PRKG1: variants seen among roughly 807,000 people sequenced by gnomAD.
PRKG1 encodes protein kinase cGMP-dependent 1, also known as cGMP-dependent protein kinase 1.
A neutral mutation model predicts 88.1 loss-of-function variants in PRKG1; 35 were observed. That is an observed-to-expected ratio of 0.40 (90% CI 0.30 to 0.53). PRKG1 has a LOEUF of 0.53. PRKG1 is among the 20% of genes least tolerant of loss of function. The pLI, the probability that PRKG1 is intolerant of heterozygous loss-of-function variation, is 0.59. For synonymous variants in PRKG1, 303 were observed against 292.5 expected (o/e 1.04, Z -0.37); for missense variants, 540 against 839.8 (o/e 0.64, Z 4.41).
intron 4 of PRKG1, among the ~76,000 whole-genome samples, chr10:51,857,965 CTA>C (rs1840725102): frequency 6.8e-6 from 1 of 147,838 alleles, no homozygotes; most frequent in Admixed American, 7.0e-5. Context: ...CCTAGATTCT[CTA>C]TGTTGTTTTT....
At chr10:52,165,160 G>T (rs1396779674) in intron 9 of PRKG1, among the ~76,000 whole-genome samples, 3 of 152,076 alleles carry the variant, frequency 2.0e-5, no homozygotes, top group Non-Finnish European at 4.4e-5. Context: ...ATAAATACTG[G>T]AGGAGTTATC....
chr10:51,285,852 G>A (rs1054362574), intron 2 of PRKG1, among the ~76,000 whole-genome samples: 6 of 152,220 alleles, frequency 3.9e-5, no homozygotes, highest in East Asian at 1.9e-4. Context: ...CATGAAACAG[G>A]CACAGCAAAT....
intron 9 of PRKG1, among the ~76,000 whole-genome samples, chr10:52,164,965 T>C (rs1838390793): frequency 6.6e-6 from 1 of 152,202 alleles, no homozygotes; most frequent in Non-Finnish European, 1.5e-5. Context: ...TGTTTGAATT[T>C]TCTGCTCAAT....
chr10:52,036,322 G>A (rs1187975423), intron 5 of PRKG1, among the ~76,000 whole-genome samples: 11 of 151,956 alleles, frequency 7.2e-5, no homozygotes, highest in South Asian at 6.3e-4. Context: ...TTGGCACTAC[G>A]GGGTGGATAG....
chr10:51,591,493 T>A (rs1283535494), intron 3 of PRKG1, among the ~76,000 whole-genome samples: 4 of 152,242 alleles, frequency 2.6e-5, no homozygotes, highest in African/African-American at 4.8e-5. Flanking sequence ...TCAGTAAATA[T>A]GACTGGTTTG....
chr10:52,246,362 A>G (rs1477458427), intron 9 of PRKG1, among the ~76,000 whole-genome samples: 1 of 152,176 alleles, frequency 6.6e-6, no homozygotes, highest in Non-Finnish European at 1.5e-5. Context: ...GATTTTAGAA[A>G]GAGAGATGGG....
chr10:51,327,884 C>CA (rs1023649267), intron 2 of PRKG1, among the ~76,000 whole-genome samples: 2 of 151,998 alleles, frequency 1.3e-5, no homozygotes, highest in Non-Finnish European at 2.9e-5. Context: ...ATTTACCATG[C>CA]AAAAAATGAT....
At chr10:51,511,793 A>C (rs1841420306) in intron 3 of PRKG1, among the ~76,000 whole-genome samples, 1 of 152,196 alleles carries the variant, frequency 6.6e-6, no homozygotes, top group South Asian at 2.1e-4. Flanking sequence ...AACACATACC[A>C]ACAGAAATGC....
rs574581839 is a variant in PRKG1 at position 51,746,488 on chromosome 10, G to A, written c.593-58097G>A. Among the ~76,000 whole-genome samples the A allele has an allele frequency of 3.3e-5, 5 of 152,082 alleles. 1 individual carries two copies. Among genetic ancestry groups the A allele is most frequent in the Admixed American group, 6.5e-5 (1 of 15,278 alleles). On this transcript the variant is annotated intron_variant, in intron 3 of 17. Coordinates refer to ENST00000373980, the MANE Select transcript of PRKG1 (RefSeq NM_006258.4). Reference sequence around the variant, plus strand: ...TGTAACCTTAGCACTTTGGGAGGCCGAGGCGGGCAGATTGCTTTAGGTCAG... The same window carrying A: ...TGTAACCTTAGCACTTTGGGAGGCCAAGGCGGGCAGATTGCTTTAGGTCAG...
At position 51,957,205 on chromosome 10, in the gene PRKG1, CCCTA is replaced by C. The variant is rs1252048126; in HGVS notation, c.762+49639_762+49642del. Among the ~76,000 whole-genome samples the C allele has an allele frequency of 3.3e-4, 45 of 137,314 alleles. 1 individual carries two copies. Among genetic ancestry groups the C allele is most frequent in the South Asian group, 8.1e-4 (3 of 3,686 alleles). The allele number at this position is 137,314 out of a possible 152,430, so 90.1% of individuals were successfully genotyped here. On this transcript the variant is annotated intron_variant, in intron 5 of 17. Transcript: ENST00000373980. ...TTCCTTCCTCCCTCCTTTCCTCCCT[CCCTA>C]CCTCCCTCTCCTCTCTCTCTTTCTC...
chr10:51,223,859 T>G (rs2132095908), intron 2 of PRKG1, among the ~76,000 whole-genome samples: 1 of 152,320 alleles, frequency 6.6e-6, no homozygotes, highest in Middle Eastern at 3.4e-3. Flanking sequence ...ATTGAAGCAG[T>G]CACTCATTCT....
intron 2 of PRKG1, among the ~76,000 whole-genome samples, chr10:51,267,143 T>G (rs1351689354): frequency 6.6e-6 from 1 of 152,210 alleles, no homozygotes; most frequent in Non-Finnish European, 1.5e-5. Flanking sequence ...AAATTTTAAT[T>G]AGTTTTTTTC....
chr10:51,512,370 G>C (rs1841443622), intron 3 of PRKG1, among the ~76,000 whole-genome samples: 2 of 117,146 alleles, frequency 1.7e-5, no homozygotes, highest in Admixed American at 2.4e-4. Flanking sequence ...ACAGTCTCCA[G>C]AGTGTGATAT....
At position 52,261,477 on chromosome 10, in the gene PRKG1, A is replaced by AGT. The variant is rs368361111; in HGVS notation, c.1173+9824_1173+9825dup. Among the ~76,000 whole-genome samples the AGT allele has an allele frequency of 1.7e-3, 248 of 150,256 alleles. 1 individual carries two copies. Among genetic ancestry groups the AGT allele is most frequent in the African/African-American group, 4.9e-3 (202 of 41,082 alleles). The stretch of plus-strand genomic sequence containing the variant: ...TTATACCTGACTCTGTGTGTGTGTG[A>AGT]GTGTGTGTGTGTGTAGGTGTTGGGG... On this transcript the variant is annotated intron_variant, in intron 10 of 17. Coordinates refer to ENST00000373980, the MANE Select transcript of PRKG1 (RefSeq NM_006258.4).
chr10:52,244,681 A>G (rs1840958647), intron 9 of PRKG1, among the ~76,000 whole-genome samples: 1 of 136,224 alleles, frequency 7.3e-6, no homozygotes, highest in Admixed American at 7.7e-5. Flanking sequence ...TTATTATTAT[A>G]TATTAAATAA....
intron 3 of PRKG1, among the ~76,000 whole-genome samples, chr10:51,563,628 G>A (rs937135450): frequency 2.4e-4 from 36 of 151,142 alleles, no homozygotes; most frequent in Admixed American, 1.7e-3. Flanking sequence ...CTGTTACTCC[G>A]TTACCCAAAT....
intron 3 of PRKG1, among the ~76,000 whole-genome samples, chr10:51,470,534 T>G (rs1840023279): frequency 6.6e-6 from 1 of 151,952 alleles, no homozygotes; most frequent in African/African-American, 2.4e-5. Context: ...GAAAGTTATC[T>G]GGCATCTTAA....
At chr10:51,664,113 A>C (rs1427588897) in intron 3 of PRKG1, among the ~76,000 whole-genome samples, 1 of 152,136 alleles carries the variant, frequency 6.6e-6, no homozygotes, top group East Asian at 1.9e-4. Context: ...TTGCTGGAAT[A>C]CAATTTATAT....
intron 2 of PRKG1, among the ~76,000 whole-genome samples, chr10:51,345,555 C>T (rs1588865085): frequency 6.6e-6 from 1 of 151,710 alleles, no homozygotes; most frequent in African/African-American, 2.4e-5. Flanking sequence ...AAATGTTGGG[C>T]AGACAGTAAT....
Sources: allele counts gnomAD v4.1 joint callset (sites outside exome capture counted in the v4.1 genomes callset), GRCh38; gene constraint gnomAD v4.1.1; transcripts MANE v1.5; gene names NCBI Gene and HGNC (gene_info 2026-07-23, HGNC 2026-07-21).